TCF20: variants seen among roughly 807,000 people sequenced by gnomAD.
TCF20 encodes the protein SPRE-binding protein.
Under a neutral mutation model 148.6 loss-of-function variants are expected in TCF20, and 3 were observed. The ratio of observed to expected loss-of-function variants is 0.02; its 90% confidence interval spans 0.01 to 0.05. TCF20 has a LOEUF of 0.05. Ranked by LOEUF, TCF20 falls within the 10% of genes least tolerant of loss-of-function variation. The pLI is 1.00. For synonymous variants in TCF20, 1,049 were observed against 909.5 expected (o/e 1.15, Z -2.76); for missense variants, 2,350 against 2,429.3 (o/e 0.97, Z 0.69).
intron 1 of TCF20, among the ~76,000 whole-genome samples, chr22:42,300,401 GAAAA>G (rs948748155): frequency 2.0e-5 from 3 of 151,358 alleles, no homozygotes; most frequent in Non-Finnish European, 4.4e-5. Flanking sequence ...AAAAAAAAAA[GAAAA>G]AAAGCGCCAC....
chr22:42,214,703 T>C lies in TCF20; in HGVS notation c.603A>G (p.Pro201=), dbSNP rs1159029895. 1.1e-5 allele frequency: 18 copies of C among 1,614,046 alleles called. No homozygotes were observed. Among genetic ancestry groups the C allele is most frequent in the Non-Finnish European group, 1.4e-5 (17 of 1,180,044 alleles). Reference sequence around the variant, plus strand: ...GCTGTAGATGGGATGAGCTGGATGCTGGTTGGCCAGTGGCCTGTGGCAGGG... The same window carrying C: ...GCTGTAGATGGGATGAGCTGGATGCCGGTTGGCCAGTGGCCTGTGGCAGGG... ...HQPLPQATGQ[P]ASSSSHLQPM... is the part of the protein sequence containing the mutation. The change falls in exon 2 of 6, where the codon CCA becomes CCG. Residue 201 remains proline (P), a synonymous_variant. Coordinates refer to ENST00000677622, the MANE Select transcript of TCF20 (RefSeq NM_001378418.1).
chr22:42,247,365 G>A (rs1283821575), intron 1 of TCF20, among the ~76,000 whole-genome samples: 8 of 151,346 alleles, frequency 5.3e-5, no homozygotes, highest in African/African-American at 1.7e-4. Flanking sequence ...GCATGAACCC[G>A]GGAGGCGGAG....
At chr22:42,325,824 C>T (rs377245678) in intron 1 of TCF20, among the ~76,000 whole-genome samples, 36 of 152,184 alleles carry the variant, frequency 2.4e-4, no homozygotes, top group African/African-American at 7.7e-4. Context: ...CTGGAGCCAG[C>T]GCGCCTCTCT....
At chr22:42,335,072 G>A (rs541184560) in intron 1 of TCF20, among the ~76,000 whole-genome samples, 1 of 152,220 alleles carries the variant, frequency 6.6e-6, no homozygotes, top group South Asian at 2.1e-4. Context: ...TGGGACCTGG[G>A]CTCCACAGAG....
At chr22:42,319,322 G>A (rs57163740) in intron 1 of TCF20, among the ~76,000 whole-genome samples, 25,166 of 152,094 alleles carry the variant, frequency 0.17, 3,547 homozygotes, top group African/African-American at 0.38. Flanking sequence ...CTGGGGGCCA[G>A]GCCACCTGCT....
intron 1 of TCF20, among the ~76,000 whole-genome samples, chr22:42,305,329 T>A (rs554553897): frequency 3.3e-5 from 5 of 152,202 alleles, no homozygotes; most frequent in Admixed American, 3.3e-4. Context: ...GGCACTGCCA[T>A]CCACCTGGGG....
chr22:42,250,526 A>G (rs139028756), intron 1 of TCF20, among the ~76,000 whole-genome samples: 170 of 152,018 alleles, frequency 1.1e-3, no homozygotes, highest in African/African-American at 4.0e-3. Context: ...GATAAAATTC[A>G]ACAATATCTC....
upstream of TCF20, among the ~76,000 whole-genome samples, chr22:42,273,699 C>A (rs925270987): frequency 6.6e-6 from 1 of 152,068 alleles, no homozygotes; most frequent in African/African-American, 2.4e-5. Flanking sequence ...CCCTCCTAAC[C>A]CAGTCCACTC....
At chr22:42,202,248 C>T (rs1292991999) in intron 2 of TCF20, among the ~76,000 whole-genome samples, 1 of 152,184 alleles carries the variant, frequency 6.6e-6, no homozygotes, top group Non-Finnish European at 1.5e-5. Context: ...AGGGAGGACA[C>T]CATCTGAGGG....
At chr22:42,302,309 C>T (rs760315475) in intron 1 of TCF20, among the ~76,000 whole-genome samples, 12 of 152,154 alleles carry the variant, frequency 7.9e-5, no homozygotes, top group South Asian at 2.1e-4. Flanking sequence ...ACAAAAGAGA[C>T]GGTCTCTGTG....
intron 1 of TCF20, among the ~76,000 whole-genome samples, chr22:42,251,431 C>T (rs1222791560): frequency 2.7e-5 from 4 of 150,188 alleles, no homozygotes. Context: ...ATCTGCCCAC[C>T]TTGGCTTCCC....
chr22:42,314,244 C>T (rs1018670407), intron 1 of TCF20, among the ~76,000 whole-genome samples: 9 of 152,374 alleles, frequency 5.9e-5, no homozygotes, highest in South Asian at 2.1e-4. Context: ...TGGCCAGAAT[C>T]CGTCTCTTCC....
chr22:42,181,876 T>A (rs1373634730), intron 2 of TCF20, among the ~76,000 whole-genome samples: 3 of 152,080 alleles, frequency 2.0e-5, no homozygotes, highest in African/African-American at 7.2e-5. Flanking sequence ...CCTCCAAAAG[T>A]GCTAAGATTA....
intron 1 of TCF20, among the ~76,000 whole-genome samples, chr22:42,301,185 C>T (rs1408326285): frequency 1.3e-5 from 2 of 151,934 alleles, no homozygotes; most frequent in African/African-American, 4.8e-5. Flanking sequence ...ATCTTGCGGG[C>T]ACTAGGGAGC....
chr22:42,282,493 C>T (rs1418729412), intron 1 of TCF20, among the ~76,000 whole-genome samples: 2 of 152,240 alleles, frequency 1.3e-5, no homozygotes, highest in Admixed American at 1.3e-4. Flanking sequence ...ACCTCCAGGC[C>T]AGCCAGGCCA....
At chr22:42,246,927 CTG>C (rs1278735320) in intron 1 of TCF20, among the ~76,000 whole-genome samples, 1 of 146,928 alleles carries the variant, frequency 6.8e-6, no homozygotes, top group Non-Finnish European at 1.5e-5. Context: ...GATTGCGCCA[CTG>C]CACTCCAGCC....
intron 2 of TCF20, among the ~76,000 whole-genome samples, chr22:42,203,039 ATAAC>A (rs1338598073): frequency 2.0e-5 from 3 of 152,246 alleles, no homozygotes; most frequent in African/African-American, 7.2e-5. Context: ...CAGATTAGCA[ATAAC>A]TAGTTTAACA....
chr22:42,180,512 T>C (rs1246886482), intron 2 of TCF20, among the ~76,000 whole-genome samples: 1 of 152,158 alleles, frequency 6.6e-6, no homozygotes, highest in Admixed American at 6.6e-5. Context: ...CTCAACCACA[T>C]GTGACCCTAC....
intron 1 of TCF20, among the ~76,000 whole-genome samples, chr22:42,233,519 A>C (rs1404500791): frequency 1.3e-5 from 2 of 152,166 alleles, no homozygotes; most frequent in Non-Finnish European, 2.9e-5. Flanking sequence ...CTCACCTTTC[A>C]AGTCCAGTGC....
Sources: allele counts gnomAD v4.1 joint callset (sites outside exome capture counted in the v4.1 genomes callset), GRCh38; gene constraint gnomAD v4.1.1; transcripts MANE v1.5; gene names NCBI Gene and HGNC (gene_info 2026-07-23, HGNC 2026-07-21).